The following CYB561D1 variants were observed in gnomAD, a reference collection of about 807,000 sequenced individuals.
CYB561D1 encodes probable transmembrane reductase CYB561D1.
A neutral mutation model predicts 19.2 loss-of-function variants in CYB561D1; 15 were observed. The ratio of observed to expected loss-of-function variants is 0.78; its 90% confidence interval spans 0.52 to 1.20. The LOEUF is 1.20. Ranked by LOEUF, CYB561D1 falls within the 50% of genes most tolerant of loss-of-function variation. The pLI, the probability that CYB561D1 is intolerant of heterozygous loss-of-function variation, is 0.00. For missense variants in CYB561D1, 297 were observed against 287.3 expected (o/e 1.03, Z -0.24); for synonymous variants, 133 against 120.6 (o/e 1.10, Z -0.68).
Position 109,495,860 on chromosome 1 carries a change from G to A in CYB561D1, c.291G>A (p.Gln97=). The A allele has an allele frequency of 6.2e-7, 1 of 1,613,898 alleles. No homozygotes were observed. The highest frequency in any genetic ancestry group is 2.2e-5 in the East Asian group (1 of 44,884). ...KARIRLHWAG[Q]TLAILCAALG... ...GGATCCGGCTCCACTGGGCAGGGCA[G>A]ACCCTAGCCATCCTCTGTGCAGCTC... Residue 97 remains glutamine, a synonymous_variant, in exon 3 of 3, where the codon CAG becomes CAA. Coordinates refer to ENST00000420578, the MANE Select transcript of CYB561D1 (RefSeq NM_182580.3).
chr1:109,494,148 C>T lies in CYB561D1; in HGVS notation c.9C>T (p.Pro3=), dbSNP rs371382234. Residue 3 remains proline (P), a synonymous_variant, in exon 1 of 3, where the codon CCC becomes CCT. Transcript: ENST00000420578. MQ[P]LEVGLVPAPA... ...GCCCGCGGGCCACGGCCATGCAGCC[C>T]CTGGAGGTAGGTCTGGTTCCCGCTC... The T allele has an allele frequency of 9.3e-5, 142 of 1,531,084 alleles. No homozygotes were observed. Among genetic ancestry groups the T allele is most frequent in the Non-Finnish European group, 1.2e-4 (133 of 1,135,628 alleles). The allele number at this position is 1,531,084 out of a possible 1,614,324, so 94.8% of individuals were successfully genotyped here.
chr1:109,495,858 C>A lies in CYB561D1; in HGVS notation c.289C>A (p.Gln97Lys). ...ACGGATCCGGCTCCACTGGGCAGGG[C>A]AGACCCTAGCCATCCTCTGTGCAGC... ...KARIRLHWAG[Q>K]TLAILCAALG... The change falls in exon 3 of 3, where the codon CAG becomes AAG. Residue 97 changes from glutamine (Q) to lysine (K), a missense_variant. Gln to Lys is a moderately conservative substitution (Grantham distance 53, BLOSUM62 1). Transcript: ENST00000420578. 6.2e-7 allele frequency: 1 copy of A among 1,613,894 alleles called. No homozygotes were observed. The highest frequency in any genetic ancestry group is 8.5e-7 in the Non-Finnish European group (1 of 1,180,038).
chr1:109,495,277 A>G, intron 2 of CYB561D1, 97 bp downstream of exon 2: 3 of 1,395,336 alleles, frequency 2.2e-6, no homozygotes, highest in Non-Finnish European at 3.1e-6. Flanking sequence ...TTCTAAGGCT[A>G]AGACAGGTGG....
Position 109,498,421 on chromosome 1 carries a change from G to A in CYB561D1, c.*2162G>A, listed in dbSNP as rs1657697424. 6.6e-6 allele frequency: 1 copy of A among 150,418 alleles called. No homozygotes were observed. The highest frequency in any genetic ancestry group is 6.7e-5 in the Admixed American group (1 of 14,940). 9.3% of individuals were successfully genotyped at this position (150,418 alleles called of 1,614,324 possible). On this transcript the variant is annotated 3_prime_UTR_variant, in exon 3 of 3. Coordinates refer to ENST00000420578, the MANE Select transcript of CYB561D1 (RefSeq NM_182580.3). ...GGAGGGCAGGGGCACAGAGCAGAGA[G>A]GAGGGCACTGGTGGTCTCCTGCTTA... is the stretch of plus-strand genomic sequence containing the variant.
In CYB561D1 at chr1:109,498,242, G is replaced by A. The variant is rs1254911540; in HGVS notation, c.*1983G>A. ...GCTGCCTCCTCCCAGGTGGTGCGGG[G>A]GCTGGTGGGCGGGCGGGCAGGCGTG... On this transcript the variant is annotated 3_prime_UTR_variant, in exon 3 of 3. Coordinates refer to ENST00000420578, the MANE Select transcript of CYB561D1 (RefSeq NM_182580.3). 6.6e-6 allele frequency: 1 copy of A among 152,304 alleles called. No individual in the cohort carries two copies. The highest frequency in any genetic ancestry group is 2.4e-5 in the African/African-American group (1 of 41,448). The allele number at this position is 152,304 out of a possible 1,614,324, so 9.4% of individuals were successfully genotyped here. A position where few individuals can be genotyped will look rare whatever the true frequency, so the allele number is the denominator to read the frequency against.
chr1:109,494,870 C>CA (rs986515607), intron 1 of CYB561D1, among the ~76,000 whole-genome samples: 24 of 123,100 alleles, frequency 1.9e-4, no homozygotes, highest in African/African-American at 3.9e-4. Flanking sequence ...CCAAAAAAAA[C>CA]AAAAAACAAA....
At position 109,494,170 on chromosome 1, in the gene CYB561D1, G is replaced by C. The variant is rs1657336666; in HGVS notation, c.31G>C (p.Ala11Pro). The C allele has an allele frequency of 6.5e-7, 1 of 1,546,050 alleles. No individual in the cohort carries two copies. Among genetic ancestry groups the C allele is most frequent in the African/African-American group, 1.4e-5 (1 of 73,074 alleles). The change falls in exon 1 of 3, where the codon GCT (alanine) becomes CCT (proline). Residue 11 changes from alanine (A) to proline (P), a missense_variant. Coordinates refer to ENST00000420578, the MANE Select transcript of CYB561D1 (RefSeq NM_182580.3). Reference sequence around the variant, plus strand: ...GCCCCTGGAGGTAGGTCTGGTTCCCGCTCCAGCTGGGGAGCCGAGACTGAC... The same window carrying C: ...GCCCCTGGAGGTAGGTCTGGTTCCCCCTCCAGCTGGGGAGCCGAGACTGAC... MQPLEVGLVPAPAGEPRLTRW... is the reference protein window; with the variant it reads MQPLEVGLVPPPAGEPRLTRW...
Position 109,495,852 on chromosome 1 carries a change from G to A in CYB561D1, c.283G>A (p.Ala95Thr), listed in dbSNP as rs1416813952. ...SRKARIRLHW[A>T]GQTLAILCAA... Reference sequence around the variant, plus strand: ...AAAAGCACGGATCCGGCTCCACTGGGCAGGGCAGACCCTAGCCATCCTCTG... The same window carrying A: ...AAAAGCACGGATCCGGCTCCACTGGACAGGGCAGACCCTAGCCATCCTCTG... The change falls in exon 3 of 3, where the codon GCA (alanine) becomes ACA (threonine). Residue 95 changes from alanine (A) to threonine (T), a missense_variant. Transcript: ENST00000420578. The A allele has an allele frequency of 1.2e-6, 2 of 1,613,858 alleles. No homozygotes were observed. Among genetic ancestry groups the A allele is most frequent in the Non-Finnish European group, 1.7e-6 (2 of 1,180,044 alleles).
chr1:109,494,508 C>T (rs1397359477), intron 1 of CYB561D1: 1 of 1,534,654 alleles, frequency 6.5e-7, no homozygotes, highest in Non-Finnish European at 8.8e-7. Context: ...ACAGACCGAA[C>T]TACTTCCTCA....
At chr1:109,494,563 G>A (rs1193619345) in intron 1 of CYB561D1, 2 of 1,444,918 alleles carry the variant, frequency 1.4e-6, no homozygotes, top group Non-Finnish European at 1.9e-6. Flanking sequence ...GAGGCCGGGC[G>A]CGGTGGGTCA....
rs1470709547 is a variant in CYB561D1, at chr1:109,496,009, G to T, written c.440G>T (p.Cys147Phe). 1 of 1,608,840 alleles carries T rather than the reference G, an allele frequency of 6.2e-7. No homozygotes were observed. Among genetic ancestry groups the T allele is most frequent in the Non-Finnish European group, 8.5e-7 (1 of 1,176,002 alleles). The change falls in exon 3 of 3, where the codon TGC becomes TTC. Residue 147 changes from cysteine (C) to phenylalanine (F), a missense_variant. By Grantham distance (205) the Cys-to-Phe change is radical. Coordinates refer to ENST00000420578, the MANE Select transcript of CYB561D1 (RefSeq NM_182580.3). ...ATAVQALCGLCLLCPRAARVS... is the reference protein window; with the variant it reads ...ATAVQALCGLFLLCPRAARVS... ...GCTGTCCAGGCACTGTGTGGGCTCT[G>T]CCTCCTTTGTCCCCGGGCAGCCAGG... is the stretch of plus-strand genomic sequence containing the variant.
chr1:109,495,628 G>T, intron 2 of CYB561D1, 128 bp from the exon 3 acceptor site: 2 of 1,536,978 alleles, frequency 1.3e-6, no homozygotes, highest in South Asian at 2.5e-5. Flanking sequence ...CTGTGAGGCT[G>T]GTGGTCCTGG....
rs539699686 is a variant in CYB561D1, at chr1:109,496,271, C to T, written c.*12C>T. ...AAATGGAAATGTGAGTTCCTGCGAACGCTGAATCTAGGTGGGACGCTTGCC... is the reference window on the plus strand; with the variant it reads ...AAATGGAAATGTGAGTTCCTGCGAATGCTGAATCTAGGTGGGACGCTTGCC... On this transcript the variant is annotated 3_prime_UTR_variant, in exon 3 of 3. Transcript: ENST00000420578. The T allele has an allele frequency of 2.0e-5, 31 of 1,559,278 alleles. No individual in the cohort carries two copies. In the Middle Eastern group the frequency reaches 8.6e-4, roughly 43 times the overall value.
intron 1 of CYB561D1, 55 bp downstream of exon 1, chr1:109,494,342 C>T: frequency 6.5e-7 from 1 of 1,526,862 alleles, no homozygotes; most frequent in Non-Finnish European, 8.8e-7. Context: ...GCTGGAGGGG[C>T]AGCGCTTGGG....
intron 2 of CYB561D1, among the ~76,000 whole-genome samples, chr1:109,495,474 A>C (rs984280897): frequency 4.6e-5 from 7 of 152,194 alleles, no homozygotes; most frequent in African/African-American, 1.7e-4. Flanking sequence ...ACTTGTCCCC[A>C]AAGTTCAGGA....
chr1:109,495,884 T>A lies in CYB561D1; in HGVS notation c.315T>A (p.Ala105=). 6.2e-7 allele frequency: 1 copy of A among 1,613,986 alleles called. No individual in the cohort carries two copies. Residue 105 remains alanine (A), a synonymous_variant, in exon 3 of 3, where the codon GCT becomes GCA. Coordinates refer to ENST00000420578, the MANE Select transcript of CYB561D1 (RefSeq NM_182580.3). ...AGQTLAILCA[A]LGLGFIISSR... Reference sequence around the variant, plus strand: ...AGACCCTAGCCATCCTCTGTGCAGCTCTGGGCCTGGGCTTCATCATCTCCA... The same window carrying A: ...AGACCCTAGCCATCCTCTGTGCAGCACTGGGCCTGGGCTTCATCATCTCCA...
chr1:109,494,333 C>CT, intron 1 of CYB561D1, 46 bp downstream of exon 1: 1 of 1,536,846 alleles, frequency 6.5e-7, no homozygotes, highest in Non-Finnish European at 8.8e-7. Flanking sequence ...AGTGGAGATG[C>CT]TGGAGGGGCA....
chr1:109,494,908 TGA>T (rs1374117530), intron 1 of CYB561D1, among the ~76,000 whole-genome samples: 2 of 151,636 alleles, frequency 1.3e-5, no homozygotes, highest in Admixed American at 6.6e-5. Flanking sequence ...GGCTGCCAGC[TGA>T]GAGGTGCTGA....
In CYB561D1 at chr1:109,496,454, G is replaced by A. The variant is rs188059739; in HGVS notation, c.*195G>A. On this transcript the variant is annotated 3_prime_UTR_variant, in exon 3 of 3. Coordinates refer to ENST00000420578, the MANE Select transcript of CYB561D1 (RefSeq NM_182580.3). ...AAATGGGGAGATGTACTGGGTATGA[G>A]TGGAAGGTGATGGAGAGCCTGATCC... The A allele has an allele frequency of 2.7e-5, 15 of 549,238 alleles. No individual in the cohort carries two copies. In the East Asian group the frequency reaches 4.5e-4, roughly 17 times the overall value. 34.0% of individuals were successfully genotyped at this position (549,238 alleles called of 1,614,324 possible).
Sources: allele counts gnomAD v4.1 joint callset (sites outside exome capture counted in the v4.1 genomes callset), GRCh38; gene constraint gnomAD v4.1.1; transcripts MANE v1.5; gene names NCBI Gene and HGNC (gene_info 2026-07-23, HGNC 2026-07-21).